Variants in RELCH observed in about 807,000 individuals in gnomAD.
RELCH encodes RAB11 binding and LisH domain, coiled-coil and HEAT repeat containing.
In RELCH, 41 loss-of-function variants were observed where a neutral mutation model predicts 150.3. The observed-to-expected ratio is 0.27, with a 90% CI of 0.21 to 0.35. The LOEUF (loss-of-function observed/expected upper bound fraction) is 0.35. Among genes scored for constraint, RELCH ranks in the 10% least tolerant of loss-of-function variants. RELCH has a pLI of 1.00. For synonymous variants in RELCH, 478 were observed against 531.8 expected (o/e 0.90, Z 1.39); for missense variants, 1,092 against 1,467.8 (o/e 0.74, Z 4.18).
chr18:62,223,488 A>G (rs529347860), intron 5 of RELCH, among the ~76,000 whole-genome samples: 4 of 152,104 alleles, frequency 2.6e-5, no homozygotes, highest in Non-Finnish European at 5.9e-5. Flanking sequence ...GGATGGCTTC[A>G]CTTGCAAATT....
chr18:62,276,224 G>C (rs2044201001), intron 22 of RELCH, among the ~76,000 whole-genome samples: 1 of 152,032 alleles, frequency 6.6e-6, no homozygotes, highest in Non-Finnish European at 1.5e-5. Flanking sequence ...CCTTGGTTCA[G>C]TTTCCATCTC....
intron 25 of RELCH, chr18:62,285,617 A>G (rs2044749527): frequency 6.6e-6 from 1 of 152,214 alleles, no homozygotes; most frequent in African/African-American, 2.4e-5. Flanking sequence ...TTAGCTAGGC[A>G]TGGTGGCACG....
chr18:62,302,053 C>T (rs915662553), intron 28 of RELCH, among the ~76,000 whole-genome samples: 2 of 152,156 alleles, frequency 1.3e-5, no homozygotes, highest in Non-Finnish European at 2.9e-5. Context: ...TGTTATAATG[C>T]CAGTGTATGG....
chr18:62,280,546 T>A, intron 23 of RELCH, 100 bp from the exon 24 acceptor site: 6 of 1,265,312 alleles, frequency 4.7e-6, no homozygotes, highest in Non-Finnish European at 5.8e-6. Context: ...TGCTAGAGAC[T>A]AATACAGTAT....
At chr18:62,262,516 A>T (rs903343189) in intron 16 of RELCH, among the ~76,000 whole-genome samples, 2 of 152,104 alleles carry the variant, frequency 1.3e-5, no homozygotes, top group African/African-American at 4.8e-5. Context: ...CCAAAGATAC[A>T]TGAAGCCACA....
Position 62,261,650 on chromosome 18 carries a change from A to G in RELCH, c.2342A>G (p.Gln781Arg). The change falls in exon 16 of 29, where the codon CAG becomes CGG. Residue 781 changes from glutamine (Q) to arginine (R), a missense_variant. Transcript: ENST00000644646. Reference protein sequence around the residue: ...SKAKLHGEVPQIEVTRFPRPM... With the variant: ...SKAKLHGEVPRIEVTRFPRPM... ...GCCAAGCTTCATGGTGAAGTGCCAC[A>G]GATAGAAGGTACTGAACTTAAATTC... The G allele has an allele frequency of 6.2e-7, 1 of 1,610,908 alleles. No homozygotes were observed. Among genetic ancestry groups the G allele is most frequent in the Non-Finnish European group, 8.5e-7 (1 of 1,178,300 alleles).
intron 11 of RELCH, chr18:62,246,113 ATTT>A (rs772020861): frequency 5.9e-5 from 9 of 152,170 alleles, no homozygotes; most frequent in Admixed American, 2.0e-4. Context: ...TCTCAGTGAT[ATTT>A]TTTATGAATC....
Position 62,231,180 on chromosome 18 carries a change from A to G in RELCH, c.1449-14A>G. The stretch of plus-strand genomic sequence containing the variant: ...TTATTTGATATTGTCTCTTTTTCAT[A>G]CATTTTCTTCTAGGAAATTGTCTCC... On this transcript the variant is annotated splice_polypyrimidine_tract_variant and intron_variant, in intron 8 of 28. Coordinates refer to ENST00000644646, the MANE Select transcript of RELCH (RefSeq NM_001346231.2). 9 of 1,522,552 alleles carry G rather than the reference A, an allele frequency of 5.9e-6. No individual in the cohort carries two copies. The highest frequency in any genetic ancestry group is 8.2e-6 in the Non-Finnish European group (9 of 1,103,768). The allele number at this position is 1,522,552 out of a possible 1,614,324, so 94.3% of individuals were successfully genotyped here.
chr18:62,252,305 T>C (rs1369008448), intron 11 of RELCH, among the ~76,000 whole-genome samples: 1 of 151,258 alleles, frequency 6.6e-6, no homozygotes, highest in Non-Finnish European at 1.5e-5. Flanking sequence ...GGCCAAAAGG[T>C]CTAATTTTTC....
chr18:62,206,912 T>G (rs1309306053), intron 1 of RELCH, among the ~76,000 whole-genome samples: 1 of 152,040 alleles, frequency 6.6e-6, no homozygotes, highest in Non-Finnish European at 1.5e-5. Context: ...CTGCCTTTAC[T>G]TTTTTGTAGA....
At chr18:62,282,261 GT>G in intron 24 of RELCH, 44 bp from the exon 25 acceptor site, 1 of 1,565,806 alleles carries the variant, frequency 6.4e-7, no homozygotes, top group Non-Finnish European at 8.8e-7. Context: ...ACACTACTCA[GT>G]TTTCAATATT....
intron 1 of RELCH, among the ~76,000 whole-genome samples, chr18:62,208,015 A>T (rs191585278): frequency 1.1e-4 from 16 of 152,346 alleles, no homozygotes; most frequent in African/African-American, 3.8e-4. Context: ...TACATTAAGA[A>T]GAGTGATGTA....
chr18:62,208,356 CAA>C (rs35392932), intron 1 of RELCH, among the ~76,000 whole-genome samples: 399 of 132,466 alleles, frequency 3.0e-3, no homozygotes, highest in Middle Eastern at 4.0e-3. Context: ...ACTTTTAAAG[CAA>C]AAAAAAAAAA....
At position 62,228,364 on chromosome 18, in the gene RELCH, A is replaced by G; in HGVS notation, c.1214A>G (p.Gln405Arg). 1.2e-6 allele frequency: 2 copies of G among 1,613,350 alleles called. No homozygotes were observed. The highest frequency in any genetic ancestry group is 8.5e-7 in the Non-Finnish European group (1 of 1,179,534). The change falls in exon 8 of 29, where the codon CAG becomes CGG. Residue 405 changes from glutamine (Q) to arginine (R), a missense_variant. This residue lies in a region of RELCH where 707 missense variants were observed against 1,025.4 expected (regional missense o/e 0.69). Transcript: ENST00000644646. ...FAIPAVCDSVQPPLDQLPHKD... is the reference protein window; with the variant it reads ...FAIPAVCDSVRPPLDQLPHKD... Reference sequence around the variant, plus strand: ...ATCCCAGCAGTTTGTGACTCTGTTCAGCCTCCTTTGGATCAGTTGCCCCAC... The same window carrying G: ...ATCCCAGCAGTTTGTGACTCTGTTCGGCCTCCTTTGGATCAGTTGCCCCAC...
intron 27 of RELCH, among the ~76,000 whole-genome samples, chr18:62,297,476 A>T (rs1006555463): frequency 3.6e-5 from 5 of 137,810 alleles, no homozygotes; most frequent in Admixed American, 2.8e-4. Flanking sequence ...CAAGGAGGAT[A>T]AAAAAAAATA....
intron 1 of RELCH, among the ~76,000 whole-genome samples, chr18:62,204,079 A>T (rs2039626940): frequency 6.6e-6 from 1 of 152,170 alleles, no homozygotes; most frequent in Admixed American, 6.5e-5. Flanking sequence ...AAAAAACAAT[A>T]TTTAGAAATT....
chr18:62,267,934 C>T (rs1164502549), intron 19 of RELCH, among the ~76,000 whole-genome samples: 1 of 151,888 alleles, frequency 6.6e-6, no homozygotes, highest in Non-Finnish European at 1.5e-5. Flanking sequence ...TTAACATCCA[C>T]ACTCCCTCCC....
intron 1 of RELCH, among the ~76,000 whole-genome samples, chr18:62,209,559 T>TC (rs1285769453): frequency 6.6e-6 from 1 of 152,076 alleles, no homozygotes; most frequent in Non-Finnish European, 1.5e-5. Flanking sequence ...GTATCAGTCC[T>TC]CCATCTTTAT....
At chr18:62,189,244 G>T (rs1238786409) in intron 1 of RELCH, among the ~76,000 whole-genome samples, 1 of 148,518 alleles carries the variant, frequency 6.7e-6, no homozygotes, top group Non-Finnish European at 1.5e-5. Context: ...TATGTGTGGT[G>T]GTGGGTCTTT....
Sources: allele counts gnomAD v4.1 joint callset (sites outside exome capture counted in the v4.1 genomes callset), GRCh38; gene constraint gnomAD v4.1.1; regional missense constraint gnomAD v4.1.1; transcripts MANE v1.5; gene names NCBI Gene and HGNC (gene_info 2026-07-23, HGNC 2026-07-21).